ABLIM1: variants seen among roughly 807,000 people sequenced by gnomAD.
ABLIM1 encodes actin binding LIM protein 1.
Under a neutral mutation model 107.0 loss-of-function variants are expected in ABLIM1, and 40 were observed. That is an observed-to-expected ratio of 0.37 (90% CI 0.29 to 0.49). The LOEUF (loss-of-function observed/expected upper bound fraction) is 0.49. Among genes scored for constraint, ABLIM1 ranks in the 20% least tolerant of loss-of-function variants. The pLI is 0.97. For missense variants in ABLIM1, 857 were observed against 1,008.5 expected (o/e 0.85, Z 2.04); for synonymous variants, 357 against 357.3 (o/e 1.00, Z 0.01).
intron 4 of ABLIM1, among the ~76,000 whole-genome samples, chr10:114,550,155 G>A (rs910791047): frequency 1.3e-5 from 2 of 152,068 alleles, no homozygotes; most frequent in Non-Finnish European, 2.9e-5. Flanking sequence ...GTGTGTATTA[G>A]ATGGTCATAT....
rs954536641 is a variant in ABLIM1 at position 114,629,548 on chromosome 10, C to T, written c.245-27587G>A. On this transcript the variant is annotated intron_variant, in intron 1 of 22. Transcript: ENST00000533213. This position sits in a 1 kb window ranked among gnomAD's most constrained non-coding sequence, Gnocchi z 4.0. ...TGCACTGGAAAGTTAAAGATGGAGA[C>T]ACAGTGCCACTTCTGAAAGGCTCAC... Among the ~76,000 whole-genome samples the T allele has an allele frequency of 6.6e-6, 1 of 152,220 alleles. No individual in the cohort carries two copies. The highest frequency in any genetic ancestry group is 1.5e-5 in the Non-Finnish European group (1 of 68,044).
chr10:114,639,364 A>C (rs144896021), intron 1 of ABLIM1, among the ~76,000 whole-genome samples: 113 of 152,372 alleles, frequency 7.4e-4, no homozygotes, highest in Non-Finnish European at 1.5e-3. Context: ...CAGAAGTCCT[A>C]AAGCAGACGT....
At chr10:114,501,099 T>G (rs1261463038) in intron 6 of ABLIM1, among the ~76,000 whole-genome samples, 1 of 152,226 alleles carries the variant, frequency 6.6e-6, no homozygotes, top group Non-Finnish European at 1.5e-5. Context: ...CTTCTGTGCC[T>G]CAGCTATAGT....
intron 6 of ABLIM1, among the ~76,000 whole-genome samples, chr10:114,519,127 C>T (rs952325660): frequency 2.0e-5 from 3 of 152,082 alleles, no homozygotes; most frequent in Non-Finnish European, 4.4e-5. Context: ...CAAGAGGCAG[C>T]CTGGGGGAGG....
At chr10:114,795,193 C>T in the ABLIM1 span, among the ~76,000 whole-genome samples, 1 of 152,006 alleles carries the variant, frequency 6.6e-6, no homozygotes, top group African/African-American at 2.4e-5. Flanking sequence ...CAAATGGTAG[C>T]GTCTATGGCA....
At chr10:114,716,652 T>C (rs1480675189) in intron 1 of ABLIM1, among the ~76,000 whole-genome samples, 1 of 152,176 alleles carries the variant, frequency 6.6e-6, no homozygotes, top group Non-Finnish European at 1.5e-5. Context: ...TAGAATCATC[T>C]GGTCTAAATA....
chr10:114,446,328 T>C (rs533776254), intron 15 of ABLIM1, among the ~76,000 whole-genome samples: 19 of 152,244 alleles, frequency 1.2e-4, no homozygotes, highest in Non-Finnish European at 2.1e-4. Flanking sequence ...AAGAGTTTTA[T>C]ACTAATAGGT....
the ABLIM1 span, among the ~76,000 whole-genome samples, chr10:114,800,628 T>G: frequency 1.3e-5 from 2 of 152,128 alleles, no homozygotes; most frequent in Non-Finnish European, 2.9e-5. Context: ...AATCCACATA[T>G]AAGGCTGGGC....
intron 2 of ABLIM1, among the ~76,000 whole-genome samples, chr10:114,599,866 G>A (rs557172830): frequency 1.3e-5 from 2 of 152,022 alleles, no homozygotes; most frequent in South Asian, 4.1e-4. Context: ...TTTATGGATT[G>A]TATTTATTTC....
chr10:114,437,831 G>C lies in ABLIM1; in HGVS notation c.2223+13C>G. The C allele has an allele frequency of 6.2e-7, 1 of 1,612,086 alleles. No individual in the cohort carries two copies. The highest frequency in any genetic ancestry group is 2.2e-5 in the East Asian group (1 of 44,870). ...ATCTGCAGTTGGGACTGGATTTTTC[G>C]GTTTTGTTTTACCTCCAGCCTGGTT... On this transcript the variant is annotated intron_variant, in intron 22 of 22. Transcript: ENST00000533213.
rs1393435463 is a variant in ABLIM1 at position 114,431,735 on chromosome 10, T to C, written c.*4525A>G. The C allele has an allele frequency of 6.6e-6, 1 of 152,220 alleles. No homozygotes were observed. The highest frequency in any genetic ancestry group is 1.5e-5 in the Non-Finnish European group (1 of 68,040). 9.4% of individuals were successfully genotyped at this position (152,220 alleles called of 1,614,324 possible). ...TTAGGAGAAACACTTTTGGGAATAA[T>C]TTTATTGAATAACAACCACCACTCA... On this transcript the variant is annotated 3_prime_UTR_variant, in exon 23 of 23. Transcript: ENST00000533213.
At chr10:114,506,309 G>A (rs1243814348) in intron 6 of ABLIM1, among the ~76,000 whole-genome samples, 1 of 152,208 alleles carries the variant, frequency 6.6e-6, no homozygotes, top group Non-Finnish European at 1.5e-5. Flanking sequence ...TGTGAACAGT[G>A]CTGCAAAGAA....
chr10:114,781,664 G>A, the ABLIM1 span, among the ~76,000 whole-genome samples: 1,264 of 143,312 alleles, frequency 8.8e-3, 35 homozygotes, highest in East Asian at 0.11. Context: ...ATATATGCGT[G>A]TATATATATA....
intron 6 of ABLIM1, among the ~76,000 whole-genome samples, chr10:114,531,913 C>A (rs1360823471): frequency 6.6e-6 from 1 of 152,176 alleles, no homozygotes; most frequent in African/African-American, 2.4e-5. Context: ...CTCCTGGGTT[C>A]CAGCAATTCT....
At chr10:114,622,654 A>T (rs1381165016) in intron 1 of ABLIM1, among the ~76,000 whole-genome samples, 1 of 152,202 alleles carries the variant, frequency 6.6e-6, no homozygotes, top group Non-Finnish European at 1.5e-5. Context: ...GACAGAATGC[A>T]GTTGACTCTT....
chr10:114,453,625 T>G, intron 12 of ABLIM1, 142 bp from the exon 13 acceptor site: 2 of 727,316 alleles, frequency 2.7e-6, no homozygotes, highest in Non-Finnish European at 4.3e-6. Context: ...AAACTCAATT[T>G]ATCAACTTGA....
At chr10:114,672,289 C>T (rs939034838) in intron 1 of ABLIM1, among the ~76,000 whole-genome samples, 15 of 152,108 alleles carry the variant, frequency 9.9e-5, no homozygotes, top group East Asian at 7.7e-4. Flanking sequence ...CAACCTCCGC[C>T]GCCCAGGTTC....
intron 5 of ABLIM1, 67 bp downstream of exon 5, chr10:114,547,583 G>C: frequency 2.5e-6 from 4 of 1,598,492 alleles, no homozygotes; most frequent in Non-Finnish European, 3.4e-6. Context: ...CCTGAGACCA[G>C]GACCTGCAGA....
chr10:114,727,533 G>A (rs1235537262), intron 1 of ABLIM1, among the ~76,000 whole-genome samples: 1 of 152,128 alleles, frequency 6.6e-6, no homozygotes, highest in Non-Finnish European at 1.5e-5. Flanking sequence ...AATAGGAAAA[G>A]TCAAACTGAA....
Sources: allele counts gnomAD v4.1 joint callset (sites outside exome capture counted in the v4.1 genomes callset), GRCh38; gene constraint gnomAD v4.1.1; non-coding constraint Gnocchi (gnomAD v3.1); transcripts MANE v1.5; gene names NCBI Gene and HGNC (gene_info 2026-07-23, HGNC 2026-07-21).